The following MAD1L1 variants were observed in gnomAD, a reference collection of about 807,000 sequenced individuals.
The protein encoded by MAD1L1 is mitotic arrest deficient 1 like 1.
In MAD1L1, 95 loss-of-function variants were observed where a neutral mutation model predicts 96.9. The observed-to-expected ratio is 0.98, with a 90% confidence interval of 0.83 to 1.16. The LOEUF is 1.16. MAD1L1 is among the 50% of genes most tolerant of loss of function. The pLI, the probability that MAD1L1 is intolerant of heterozygous loss-of-function variation, is 0.00. For missense variants in MAD1L1, 1,007 were observed against 954.4 expected (o/e 1.06, Z -0.73); for synonymous variants, 473 against 396.6 (o/e 1.19, Z -2.29).
chr7:2,086,193 G>A (rs1163489577), intron 11 of MAD1L1, among the ~76,000 whole-genome samples: 1 of 152,346 alleles, frequency 6.6e-6, no homozygotes. Flanking sequence ...CAGGCCCAGT[G>A]AGGACAAGAT....
chr7:1,934,354 A>G (rs532715871), intron 17 of MAD1L1, among the ~76,000 whole-genome samples: 23 of 152,372 alleles, frequency 1.5e-4, no homozygotes, highest in Non-Finnish European at 1.9e-4. Flanking sequence ...GCAGAGACCC[A>G]GACAAGAGGT....
At chr7:1,821,957 G>C (rs1269789840) in intron 18 of MAD1L1, among the ~76,000 whole-genome samples, 3 of 152,052 alleles carry the variant, frequency 2.0e-5, no homozygotes, top group Non-Finnish European at 2.9e-5. Flanking sequence ...AGCAGCATAG[G>C]GATTGGAAAA....
chr7:2,153,387 CAA>C (rs1444850994), intron 10 of MAD1L1, among the ~76,000 whole-genome samples: 1 of 152,068 alleles, frequency 6.6e-6, no homozygotes, highest in African/African-American at 2.4e-5. Flanking sequence ...GCAAAGGACA[CAA>C]AGAGACATTT....
At chr7:1,908,171 G>A (rs536114150) in intron 17 of MAD1L1, among the ~76,000 whole-genome samples, 18 of 152,366 alleles carry the variant, frequency 1.2e-4, no homozygotes, top group African/African-American at 4.3e-4. Flanking sequence ...TGTCCAGGCT[G>A]CTGCAGCTGG....
At chr7:1,897,565 C>T (rs1384189092) in intron 18 of MAD1L1, among the ~76,000 whole-genome samples, 3 of 152,216 alleles carry the variant, frequency 2.0e-5, no homozygotes, top group Non-Finnish European at 4.4e-5. Context: ...AGTGGGGCCA[C>T]CTCCACCCTG....
intron 10 of MAD1L1, among the ~76,000 whole-genome samples, chr7:2,210,819 C>T (rs977895790): frequency 6.6e-6 from 1 of 152,258 alleles, no homozygotes; most frequent in Non-Finnish European, 1.5e-5. Flanking sequence ...ACAGCGAGGA[C>T]GGCTCCATCC....
chr7:1,980,560 T>C lies in MAD1L1; in HGVS notation c.1417-19A>G, dbSNP rs1318267131. 3.1e-6 allele frequency: 5 copies of C among 1,600,846 alleles called. No individual in the cohort carries two copies. The highest frequency in any genetic ancestry group is 2.2e-5 in the East Asian group (1 of 44,618). On this transcript the variant is annotated intron_variant, in intron 14 of 18. Coordinates refer to ENST00000265854, the MANE Select transcript of MAD1L1 (RefSeq NM_001013836.2). ...TCTCCAGCTAGGAGAAAGCAAAGGA[T>C]AGAGGGTCAGCAGACACGAGCGCAC...
Position 2,217,995 on chromosome 7 carries a change from T to G in MAD1L1, c.645A>C (p.Gln215His). 1 of 1,614,172 alleles carries G rather than the reference T, an allele frequency of 6.2e-7. No individual in the cohort carries two copies. Among genetic ancestry groups the G allele is most frequent in the Non-Finnish European group, 8.5e-7 (1 of 1,179,986 alleles). Residue 215 changes from glutamine (Q) to histidine (H), a missense_variant, in exon 7 of 19, where the codon CAA becomes CAC. Gln to His is a conservative substitution (Grantham distance 24). Coordinates refer to ENST00000265854, the MANE Select transcript of MAD1L1 (RefSeq NM_001013836.2). ...NQKIQELQAS[Q>H]EARADHEQQI... is the part of the protein sequence containing the mutation. ...GCTGCTCGTGGTCTGCTCTTGCTTC[T>G]TGGCTGGCCTGGAGTTCCTGGATTT...
At chr7:1,940,453 C>T (rs1006975864) in intron 16 of MAD1L1, 1 of 152,314 alleles carries the variant, frequency 6.6e-6, no homozygotes, top group Non-Finnish European at 1.5e-5. Context: ...CAGCCACCCA[C>T]ACGCACTCAG....
intron 18 of MAD1L1, among the ~76,000 whole-genome samples, chr7:1,897,879 A>G (rs1003462641): frequency 6.6e-6 from 1 of 152,176 alleles, no homozygotes; most frequent in Non-Finnish European, 1.5e-5. Context: ...CTCTGGACAC[A>G]CTGACACACA....
chr7:2,222,347 T>C (rs967178396), intron 5 of MAD1L1, among the ~76,000 whole-genome samples: 2 of 152,200 alleles, frequency 1.3e-5, no homozygotes, highest in Non-Finnish European at 2.9e-5. Context: ...CCCAAAGTGC[T>C]GGGATTACAG....
chr7:2,050,333 C>G (rs1784115551), intron 12 of MAD1L1, among the ~76,000 whole-genome samples: 1 of 152,248 alleles, frequency 6.6e-6, no homozygotes, highest in Non-Finnish European at 1.5e-5. Flanking sequence ...ACCTCACGCG[C>G]CTGCTGGAAG....
At chr7:1,878,342 C>G (rs1381452878) in intron 18 of MAD1L1, among the ~76,000 whole-genome samples, 1 of 152,028 alleles carries the variant, frequency 6.6e-6, no homozygotes, top group Non-Finnish European at 1.5e-5. Flanking sequence ...GATACCAAGG[C>G]AAACAAACAC....
intron 10 of MAD1L1, among the ~76,000 whole-genome samples, chr7:2,173,219 A>G (rs1351415395): frequency 1.3e-5 from 2 of 152,130 alleles, no homozygotes; most frequent in African/African-American, 2.4e-5. Context: ...TTTCATTGCC[A>G]CTTTCCTAAT....
At chr7:2,111,917 C>T (rs990204449) in intron 11 of MAD1L1, among the ~76,000 whole-genome samples, 1 of 152,330 alleles carries the variant, frequency 6.6e-6, no homozygotes, top group Non-Finnish European at 1.5e-5. Flanking sequence ...TAAGTATGTG[C>T]TCAAGGAAAA....
At position 2,114,631 on chromosome 7, in the gene MAD1L1, T is replaced by G. The variant is rs1393878271; in HGVS notation, c.1073+34521A>C. Among the ~76,000 whole-genome samples the G allele has an allele frequency of 6.6e-6, 1 of 152,272 alleles. No individual in the cohort carries two copies. Among genetic ancestry groups the G allele is most frequent in the Non-Finnish European group, 1.5e-5 (1 of 68,046 alleles). ...AACAGGGTCCAACAACTACAGCCTG[T>G]GGCCAAATCCCACCCACAGCCTGTT... is the stretch of plus-strand genomic sequence containing the variant. On this transcript the variant is annotated intron_variant, in intron 11 of 18. Transcript: ENST00000265854. The surrounding 1 kb of genome is among the most constrained non-coding windows in gnomAD (Gnocchi z 4.2).
chr7:2,138,330 G>A (rs767396835), intron 11 of MAD1L1, among the ~76,000 whole-genome samples: 1 of 152,234 alleles, frequency 6.6e-6, no homozygotes, highest in Non-Finnish European at 1.5e-5. Flanking sequence ...GCGCTCAGCA[G>A]GCTGGCGGTG....
At chr7:2,187,470 G>C (rs998057667) in intron 10 of MAD1L1, among the ~76,000 whole-genome samples, 1 of 152,080 alleles carries the variant, frequency 6.6e-6, no homozygotes, top group African/African-American at 2.4e-5. Context: ...AACAAACCAG[G>C]GGCACCACGT....
intron 11 of MAD1L1, among the ~76,000 whole-genome samples, chr7:2,070,119 G>A (rs1011406369): frequency 2.0e-5 from 3 of 152,198 alleles, no homozygotes; most frequent in Non-Finnish European, 2.9e-5. Context: ...GTGAGCTTCC[G>A]AGTTCGTGGC....
Sources: gnomAD v4.1 joint callset for allele counts (sites outside exome capture counted in the v4.1 genomes callset) on GRCh38, gnomAD v4.1.1 for gene constraint, Gnocchi (gnomAD v3.1) non-coding constraint, MANE v1.5 for transcripts, NCBI Gene and HGNC (gene_info 2026-07-23, HGNC 2026-07-21) for gene names.